The following GATAD2A variants were observed in gnomAD, a reference collection of about 807,000 sequenced individuals.
GATAD2A encodes the protein transcriptional repressor p66-alpha.
GATAD2A carries 12 observed loss-of-function variants against 68.5 expected under a neutral mutation model. The observed-to-expected ratio is 0.18, with a 90% CI of 0.11 to 0.28. The LOEUF (loss-of-function observed/expected upper bound fraction) is 0.28. Among genes scored for constraint, GATAD2A ranks in the 10% least tolerant of loss-of-function variants. The pLI is 1.00. For synonymous variants in GATAD2A, 410 were observed against 375.3 expected, an observed-to-expected ratio of 1.09 and a Z score of -1.07; for missense variants, 755 against 868.5, an observed-to-expected ratio of 0.87 and a Z score of 1.64.
At chr19:19,385,880 G>A (rs1243203352) in exon 1 of GATAD2A, 1 of 151,268 alleles carries the variant, frequency 6.6e-6, no homozygotes, top group Non-Finnish European at 1.5e-5. Flanking sequence ...CTGCGGCTCC[G>A]AGCGCTGCGC....
chr19:19,460,028 G>A (rs2057285724), intron 1 of GATAD2A, among the ~76,000 whole-genome samples: 1 of 152,244 alleles, frequency 6.6e-6, no homozygotes, highest in Non-Finnish European at 1.5e-5. Flanking sequence ...TGAGCAGATG[G>A]AGGTGTCTGT....
intron 1 of GATAD2A, among the ~76,000 whole-genome samples, chr19:19,407,071 C>G (rs2147053512): frequency 6.6e-6 from 1 of 152,302 alleles, no homozygotes; most frequent in East Asian, 1.9e-4. Context: ...TCTTGGAGTA[C>G]ATAGTGCTGG....
chr19:19,428,917 C>T (rs2053404756), intron 1 of GATAD2A, among the ~76,000 whole-genome samples: 2 of 152,096 alleles, frequency 1.3e-5, no homozygotes, highest in South Asian at 4.1e-4. Context: ...CTGGACTCAC[C>T]CCAGGGGCTG....
chr19:19,420,756 G>A (rs1204661817), intron 1 of GATAD2A, among the ~76,000 whole-genome samples: 1 of 152,014 alleles, frequency 6.6e-6, no homozygotes, highest in Non-Finnish European at 1.5e-5. Flanking sequence ...GTGTGGGTAC[G>A]ATGACAGTCC....
intron 2 of GATAD2A, among the ~76,000 whole-genome samples, chr19:19,479,111 T>C (rs2058878773): frequency 6.6e-6 from 1 of 152,168 alleles, no homozygotes; most frequent in Non-Finnish European, 1.5e-5. Context: ...CCTCCTCTAA[T>C]GAGAAACCAA....
chr19:19,479,459 AC>A (rs777286182), intron 2 of GATAD2A, among the ~76,000 whole-genome samples: 9 of 152,050 alleles, frequency 5.9e-5, no homozygotes, highest in Non-Finnish European at 1.2e-4. Flanking sequence ...TTTTTCCCTT[AC>A]GTTATATTTA....
At position 19,507,502 on chromosome 19, in the gene GATAD2A, AC is replaced by A; in HGVS notation, c.*2030del. On this transcript the variant is annotated 3_prime_UTR_variant, in exon 12 of 12. Transcript: ENST00000683918. ...GGGATCAGGCATCCAGACCGAAGTC[AC>A]CTCTGCCTGCTCCAGCTTGGGTCAG... 1.3e-5 allele frequency: 2 copies of A among 151,890 alleles called. No individual in the cohort carries two copies. Among genetic ancestry groups the A allele is most frequent in the Middle Eastern group, 3.4e-3 (1 of 294 alleles). The allele number at this position is 151,890 out of a possible 1,614,324, so 9.4% of individuals were successfully genotyped here.
At chr19:19,481,564 C>T (rs893025369) in intron 2 of GATAD2A, among the ~76,000 whole-genome samples, 16 of 152,110 alleles carry the variant, frequency 1.1e-4, no homozygotes, top group Non-Finnish European at 2.4e-4. Flanking sequence ...AAGCTCAGGT[C>T]ATCCTCTCAC....
At chr19:19,442,250 A>G (rs1026872857) in intron 1 of GATAD2A, among the ~76,000 whole-genome samples, 2 of 152,250 alleles carry the variant, frequency 1.3e-5, no homozygotes, top group African/African-American at 4.8e-5. Flanking sequence ...TTGTATCAGA[A>G]GGACCCACAG....
intron 1 of GATAD2A, among the ~76,000 whole-genome samples, chr19:19,435,625 G>A (rs890915816): frequency 6.6e-6 from 1 of 152,158 alleles, no homozygotes; most frequent in Admixed American, 6.5e-5. Context: ...CGAGGTGGGT[G>A]TATCGCCTGA....
intron 1 of GATAD2A, among the ~76,000 whole-genome samples, chr19:19,389,815 T>C (rs1232834470): frequency 1.3e-5 from 2 of 152,122 alleles, no homozygotes; most frequent in Admixed American, 6.6e-5. Flanking sequence ...CAGGCGGGAG[T>C]GCAGTGGTGC....
chr19:19,428,094 T>G (rs1047579520), intron 1 of GATAD2A: 4 of 152,236 alleles, frequency 2.6e-5, no homozygotes, highest in Non-Finnish European at 5.9e-5. Flanking sequence ...AGTTCCTAGA[T>G]CCTCAGTATT....
intron 1 of GATAD2A, among the ~76,000 whole-genome samples, chr19:19,417,004 T>C (rs576902209): frequency 1.1e-4 from 17 of 152,292 alleles, no homozygotes; most frequent in Admixed American, 3.9e-4. Context: ...TCTGGTAATC[T>C]GCCTGCCTCG....
intron 1 of GATAD2A, among the ~76,000 whole-genome samples, chr19:19,418,133 C>G (rs2051881436): frequency 6.6e-6 from 1 of 152,070 alleles, no homozygotes; most frequent in Admixed American, 6.6e-5. Context: ...CTGGAGGGTG[C>G]TCTGGGACAG....
intron 3 of GATAD2A, 59 bp from the exon 4 acceptor site, chr19:19,492,522 G>C (rs1243457419): frequency 6.2e-7 from 1 of 1,611,082 alleles, no homozygotes; most frequent in Non-Finnish European, 8.5e-7. Context: ...AGTGATGGCA[G>C]GGCCTCTGCT....
At chr19:19,422,223 G>T (rs886494351) in intron 1 of GATAD2A, among the ~76,000 whole-genome samples, 1 of 152,132 alleles carries the variant, frequency 6.6e-6, no homozygotes, top group Non-Finnish European at 1.5e-5. Flanking sequence ...CAAGGAAAAC[G>T]CCATTTGAGG....
At chr19:19,490,996 C>G (rs946153828) in intron 2 of GATAD2A, among the ~76,000 whole-genome samples, 3 of 152,336 alleles carry the variant, frequency 2.0e-5, no homozygotes, top group South Asian at 4.1e-4. Context: ...TTGGGACTTG[C>G]GTTGGGTCAG....
intron 1 of GATAD2A, chr19:19,464,585 A>ATTTTT (rs2057723285): frequency 6.6e-6 from 1 of 152,264 alleles, no homozygotes; most frequent in African/African-American, 2.4e-5. Flanking sequence ...TCTCCGACTG[A>ATTTTT]ATCCTGGGAA....
chr19:19,480,452 A>C (rs2058977170), intron 2 of GATAD2A, among the ~76,000 whole-genome samples: 1 of 152,204 alleles, frequency 6.6e-6, no homozygotes. Context: ...TATCACTGGT[A>C]CCAGATACCC....
Sources: allele counts gnomAD v4.1 joint callset (sites outside exome capture counted in the v4.1 genomes callset), GRCh38; gene constraint gnomAD v4.1.1; transcripts MANE v1.5; gene names NCBI Gene and HGNC (gene_info 2026-07-23, HGNC 2026-07-21).